CLSTN1: variants seen among roughly 807,000 people sequenced by gnomAD.
CLSTN1 encodes calsyntenin-1.
In CLSTN1, 28 loss-of-function variants were observed where a neutral mutation model predicts 108.3. The observed-to-expected ratio is 0.26, with a 90% CI of 0.19 to 0.35. The LOEUF (loss-of-function observed/expected upper bound fraction) is 0.35, where lower values mean the gene tolerates loss of function less well. Ranked by LOEUF, CLSTN1 falls within the 10% of genes least tolerant of loss-of-function variation. The pLI, the probability that CLSTN1 is intolerant of heterozygous loss-of-function variation, is 1.00. For missense variants in CLSTN1, 1,157 were observed against 1,302.6 expected, an observed-to-expected ratio of 0.89 and a Z score of 1.72; for synonymous variants, 524 against 534.9, an observed-to-expected ratio of 0.98 and a Z score of 0.28.
chr1:9,824,205 G>T (rs1027219188), upstream of CLSTN1: 2 of 149,720 alleles, frequency 1.3e-5, no homozygotes, highest in Non-Finnish European at 3.0e-5. The surrounding 1 kb of genome is among the most constrained non-coding windows in gnomAD (Gnocchi z 5.0). Context: ...ACGCGCCTGG[G>T]GTGGGTTCCG....
chr1:9,804,363 A>G (rs932029473), intron 1 of CLSTN1, among the ~76,000 whole-genome samples: 3 of 81,710 alleles, frequency 3.7e-5, no homozygotes, highest in African/African-American at 2.5e-4. Context: ...CTCCATCTCA[A>G]AAAAAAAAAA....
intron 1 of CLSTN1, among the ~76,000 whole-genome samples, chr1:9,822,797 C>G (rs1281371437): frequency 6.6e-6 from 1 of 152,030 alleles, no homozygotes; most frequent in Non-Finnish European, 1.5e-5. Flanking sequence ...TCCCACCGAG[C>G]CATAAAATAA....
intron 1 of CLSTN1, among the ~76,000 whole-genome samples, chr1:9,818,218 C>A (rs752830568): frequency 2.6e-5 from 4 of 151,446 alleles, no homozygotes; most frequent in Admixed American, 6.6e-5. Context: ...CCATGTTGCA[C>A]AGGCTGGTCT....
At chr1:9,799,199 T>C (rs1426911670) in intron 1 of CLSTN1, among the ~76,000 whole-genome samples, 1 of 150,934 alleles carries the variant, frequency 6.6e-6, no homozygotes, top group African/African-American at 2.4e-5. Flanking sequence ...AAAAAATACA[T>C]AAATTTTAAA....
At chr1:9,818,978 G>C (rs1655092949) in intron 1 of CLSTN1, among the ~76,000 whole-genome samples, 1 of 149,418 alleles carries the variant, frequency 6.7e-6, no homozygotes, top group South Asian at 2.1e-4. Context: ...TTTTAGTAGA[G>C]ACAGATGGGG....
intron 1 of CLSTN1, among the ~76,000 whole-genome samples, chr1:9,776,061 C>T (rs1439922517): frequency 1.3e-5 from 2 of 151,928 alleles, no homozygotes; most frequent in Non-Finnish European, 2.9e-5. Flanking sequence ...CAACCTTCGC[C>T]TCTCAGGTTC....
chr1:9,731,660 G>A, intron 17 of CLSTN1, 101 bp downstream of exon 17: 2 of 1,216,358 alleles, frequency 1.6e-6, no homozygotes, highest in Non-Finnish European at 2.4e-6. Context: ...GACAGGGAAA[G>A]ACCGGCGGTC....
chr1:9,747,262 GA>G (rs1449984472), intron 7 of CLSTN1, among the ~76,000 whole-genome samples: 2 of 146,690 alleles, frequency 1.4e-5, no homozygotes, highest in South Asian at 2.2e-4. Flanking sequence ...TTATTCTGCT[GA>G]AAAAAAATTC....
chr1:9,751,557 C>T lies in CLSTN1; in HGVS notation c.565G>A (p.Asp189Asn). The change falls in exon 5 of 19, where the codon GAT becomes AAT. Residue 189 changes from aspartate (D) to asparagine (N), a missense_variant. Coordinates refer to ENST00000377298, the MANE Select transcript of CLSTN1 (RefSeq NM_001009566.3). Reference sequence around the variant, plus strand: ...CTGAACTGAGGGGAGCAGTCGGCATCCACGGCCTCCACCCTCAAAATGCTG... The same window carrying T: ...CTGAACTGAGGGGAGCAGTCGGCATTCACGGCCTCCACCCTCAAAATGCTG... ...YDSILRVEAV[D>N]ADCSPQFSQI... 1 of 1,614,172 alleles carries T rather than the reference C, an allele frequency of 6.2e-7. No homozygotes were observed.
At chr1:9,792,049 T>C (rs1476849238) in intron 1 of CLSTN1, among the ~76,000 whole-genome samples, 1 of 150,564 alleles carries the variant, frequency 6.6e-6, no homozygotes, top group African/African-American at 2.4e-5. Context: ...CTCGGGAGGC[T>C]GGGGCAGGAG....
rs937268734 is a variant in CLSTN1, at chr1:9,734,883, A to G, written c.2110+65T>C. The G allele has an allele frequency of 6.6e-6, 9 of 1,360,764 alleles. No homozygotes were observed. In the African/African-American group the frequency reaches 1.0e-4, roughly 15 times the overall value. 84.3% of individuals were successfully genotyped at this position (1,360,764 alleles called of 1,614,324 possible). On this transcript the variant is annotated intron_variant, in intron 14 of 18. Transcript: ENST00000377298. The surrounding 1 kb of genome is among the most constrained non-coding windows in gnomAD (Gnocchi z 4.8). ...CCCACAGAGACAAAGAGCCCCGCCAAGTACATGGGGACAATGGGGTTTCCG... is the reference window on the plus strand; with the variant it reads ...CCCACAGAGACAAAGAGCCCCGCCAGGTACATGGGGACAATGGGGTTTCCG...
chr1:9,756,150 A>C (rs1651795426), intron 3 of CLSTN1, among the ~76,000 whole-genome samples: 1 of 152,218 alleles, frequency 6.6e-6, no homozygotes, highest in Admixed American at 6.5e-5. Context: ...AACTCCACAA[A>C]ATGTATTTCA....
intron 17 of CLSTN1, 81 bp downstream of exon 17, chr1:9,731,680 A>G: frequency 7.2e-7 from 1 of 1,386,710 alleles, no homozygotes; most frequent in Non-Finnish European, 1.0e-6. Context: ...CATGCTGAGC[A>G]GGAGGCTGTG....
rs1191647927 is a variant in CLSTN1 at position 9,734,541 on chromosome 1, C to T, written c.2111-399G>A. On this transcript the variant is annotated intron_variant, in intron 14 of 18. Transcript: ENST00000377298. This position sits in a 1 kb window ranked among gnomAD's most constrained non-coding sequence, Gnocchi z 4.8. ...AGTTAGCCAAGATGACACCATTGCACTCCAGCCTGGGCGACAGAGTGAGAC... is the reference window on the plus strand; with the variant it reads ...AGTTAGCCAAGATGACACCATTGCATTCCAGCCTGGGCGACAGAGTGAGAC... 3.3e-5 allele frequency among the ~76,000 whole-genome samples: 5 copies of T among 150,840 alleles called. No homozygotes were observed. The highest frequency in any genetic ancestry group is 7.4e-5 in the Non-Finnish European group (5 of 67,868).
rs111296289 is a variant in CLSTN1 at position 9,786,110 on chromosome 1, G to A, written c.92-12716C>T. ...AGGCTGAGGCATGAGAATCGCTTGA[G>A]CCTGGGAGGTGGAGGTTGCAGTGAG... On this transcript the variant is annotated intron_variant, in intron 1 of 18. Transcript: ENST00000377298. 8.5e-4 allele frequency among the ~76,000 whole-genome samples: 130 copies of A among 152,154 alleles called. 1 individual carries two copies. The highest frequency in any genetic ancestry group is 3.1e-3 in the African/African-American group (127 of 41,538).
In CLSTN1 at chr1:9,731,280, C is replaced by CCCG; in HGVS notation, c.2671_2673dup (p.Arg891dup). 1.9e-6 allele frequency: 3 copies of CCCG among 1,614,262 alleles called. No homozygotes were observed. The highest frequency in any genetic ancestry group is 2.5e-6 in the Non-Finnish European group (3 of 1,180,054). On this transcript the variant is annotated inframe_insertion, in exon 18 of 19. Coordinates refer to ENST00000377298, the MANE Select transcript of CLSTN1 (RefSeq NM_001009566.3). ...TCGTTCTCCTTCCCGGTGTCCTGAT[C>CCCG]CCGCATGGTCCGCCGATGTGCGGCC...
chr1:9,732,406 CAA>C (rs1570430375), intron 16 of CLSTN1, among the ~76,000 whole-genome samples: 1 of 152,132 alleles, frequency 6.6e-6, no homozygotes, highest in South Asian at 2.1e-4. Context: ...ATGCCCAAAA[CAA>C]GAGCAGAAAA....
At chr1:9,743,089 C>T (rs1259554900) in intron 9 of CLSTN1, among the ~76,000 whole-genome samples, 1 of 152,186 alleles carries the variant, frequency 6.6e-6, no homozygotes, top group Non-Finnish European at 1.5e-5. Flanking sequence ...TGTCCACTAA[C>T]TCCATGAGAC....
At chr1:9,744,189 C>T (rs1043587268) in intron 8 of CLSTN1, among the ~76,000 whole-genome samples, 184 bp from the exon 9 acceptor site, 4 of 152,200 alleles carry the variant, frequency 2.6e-5, no homozygotes, top group Non-Finnish European at 5.9e-5. Context: ...CTGTGATCAC[C>T]GTGGACCCCA....
Sources: allele counts gnomAD v4.1 joint callset (sites outside exome capture counted in the v4.1 genomes callset), GRCh38; gene constraint gnomAD v4.1.1; non-coding constraint Gnocchi (gnomAD v3.1); transcripts MANE v1.5; gene names NCBI Gene and HGNC (gene_info 2026-07-23, HGNC 2026-07-21).